The following TBC1D15 variants were observed in gnomAD, a reference collection of about 807,000 sequenced individuals.
The protein encoded by TBC1D15 is TBC1 domain family member 15, also known as GAP for RAB7.
Under a neutral mutation model 95.4 loss-of-function variants are expected in TBC1D15, and 39 were observed. The observed-to-expected ratio is 0.41, with a 90% confidence interval of 0.32 to 0.53. The LOEUF is 0.53. Among genes scored for constraint, TBC1D15 ranks in the 20% least tolerant of loss-of-function variants. The probability of loss-of-function intolerance (pLI) is 0.29; values close to 1 mark genes in which losing one functional copy is unlikely to be tolerated. For missense variants in TBC1D15, 733 were observed against 794.3 expected (o/e 0.92, Z 0.93); for synonymous variants, 258 against 261.3 (o/e 0.99, Z 0.12).
chr12:71,861,403 A>C, intron 1 of TBC1D15: 1 of 1,462,916 alleles, frequency 6.8e-7, no homozygotes, highest in Non-Finnish European at 9.0e-7. Flanking sequence ...TGTTTTTTTC[A>C]GGTTTTTGGT....
intron 5 of TBC1D15, among the ~76,000 whole-genome samples, chr12:71,888,894 A>T (rs1896744040): frequency 1.5e-5 from 2 of 131,506 alleles, no homozygotes; most frequent in Admixed American, 1.7e-4. Context: ...TTGAATGCCT[A>T]CTGTGTCTTA....
chr12:71,913,740 T>G (rs1294667840), intron 11 of TBC1D15, 86 bp from the exon 12 acceptor site: 3 of 833,844 alleles, frequency 3.6e-6, no homozygotes, highest in Admixed American at 2.8e-5. Context: ...GATACAATTT[T>G]AAGCGAAATG....
At chr12:71,915,379 C>T (rs1314989980) in intron 12 of TBC1D15, among the ~76,000 whole-genome samples, 6 of 147,932 alleles carry the variant, frequency 4.1e-5, no homozygotes, top group Admixed American at 6.8e-5. Context: ...GGTTGTTCAA[C>T]GGGTTTTTGT....
intron 10 of TBC1D15, among the ~76,000 whole-genome samples, chr12:71,904,273 C>T (rs746729760): frequency 6.6e-6 from 1 of 152,094 alleles, no homozygotes; most frequent in African/African-American, 2.4e-5. Context: ...ATAAGGAGAT[C>T]ACTGGAGATT....
chr12:71,879,318 A>G (rs571084687), intron 3 of TBC1D15, among the ~76,000 whole-genome samples: 3 of 152,128 alleles, frequency 2.0e-5, no homozygotes, highest in African/African-American at 7.2e-5. Flanking sequence ...TATTTTTTGT[A>G]GAGACGGAGT....
In TBC1D15 at chr12:71,897,833, ATTGTTTT is replaced by A; in HGVS notation, c.1089-13_1089-7del. 18 of 1,600,880 alleles carry A rather than the reference ATTGTTTT, an allele frequency of 1.1e-5. No homozygotes were observed. The highest frequency in any genetic ancestry group is 1.5e-5 in the Non-Finnish European group (18 of 1,170,722). On this transcript the variant is annotated splice_region_variant and splice_polypyrimidine_tract_variant and intron_variant, in intron 9 of 16. Coordinates refer to ENST00000485960, the MANE Select transcript of TBC1D15 (RefSeq NM_001146213.3). ...TTCAAATAGCTTTCTTTGATGTCAA[ATTGTTTT>A]CTATAGTGATGAATACTTCAGAATG...
At chr12:71,894,110 A>G (rs1197746722) in intron 6 of TBC1D15, among the ~76,000 whole-genome samples, 1 of 152,044 alleles carries the variant, frequency 6.6e-6, no homozygotes, top group East Asian at 1.9e-4. Context: ...TTCAGAAGTT[A>G]CCCTGGCACT....
intron 8 of TBC1D15, 158 bp from the exon 9 acceptor site, chr12:71,896,519 C>G: frequency 6.2e-6 from 4 of 641,234 alleles, no homozygotes; most frequent in Non-Finnish European, 1.1e-5. Flanking sequence ...TCTTTTGGAT[C>G]TAGAAGTAAA....
chr12:71,897,372 A>C (rs1898409346), intron 9 of TBC1D15: 1 of 157,580 alleles, frequency 6.3e-6, no homozygotes, highest in African/African-American at 2.4e-5. Flanking sequence ...GTTATCTGAC[A>C]GTCTTCTCTT....
chr12:71,918,320 C>A (rs1904185057), intron 13 of TBC1D15, 131 bp from the exon 14 acceptor site: 1 of 524,856 alleles, frequency 1.9e-6, no homozygotes, highest in East Asian at 3.1e-5. Context: ...GAAATGATTC[C>A]TTAACGTAGA....
At chr12:71,852,502 T>G (rs746966689) in intron 1 of TBC1D15, among the ~76,000 whole-genome samples, 3 of 152,240 alleles carry the variant, frequency 2.0e-5, no homozygotes, top group Non-Finnish European at 4.4e-5. Context: ...ATGGCCAGGA[T>G]GCAAATTTTC....
At chr12:71,880,637 C>T (rs1894943773) in intron 4 of TBC1D15, 30 bp downstream of exon 4, 1 of 1,584,578 alleles carries the variant, frequency 6.3e-7, no homozygotes, top group African/African-American at 1.4e-5. Context: ...AAATCTTAAA[C>T]TGATTTGCTA....
chr12:71,896,428 C>G (rs1898182150), intron 8 of TBC1D15: 2 of 465,048 alleles, frequency 4.3e-6, no homozygotes, highest in African/African-American at 4.0e-5. Flanking sequence ...ACCAGTCACA[C>G]TGTCTGTCTG....
chr12:71,849,355 T>A, intron 1 of TBC1D15: 1 of 1,361,696 alleles, frequency 7.3e-7, no homozygotes, highest in Non-Finnish European at 1.0e-6. Context: ...AGCTTCTAGC[T>A]GTTGTCCAAG....
intron 8 of TBC1D15, 21 bp downstream of exon 8, chr12:71,896,096 T>C: frequency 1.3e-6 from 2 of 1,587,286 alleles, no homozygotes; most frequent in Middle Eastern, 1.8e-4. Context: ...CACTCTAATA[T>C]GGCTTGTCTT....
At chr12:71,886,606 T>A (rs1896283252) in intron 5 of TBC1D15, among the ~76,000 whole-genome samples, 1 of 152,262 alleles carries the variant, frequency 6.6e-6, no homozygotes, top group South Asian at 2.1e-4. Flanking sequence ...CTCGACTGTG[T>A]ATTTTCTGGC....
At chr12:71,846,293 T>C (rs1461138079) in intron 1 of TBC1D15, among the ~76,000 whole-genome samples, 1 of 150,140 alleles carries the variant, frequency 6.7e-6, no homozygotes, top group Non-Finnish European at 1.5e-5. Context: ...TTAGCAAATA[T>C]TTAAGAATAA....
chr12:71,890,984 T>C (rs1273403606), intron 5 of TBC1D15, among the ~76,000 whole-genome samples: 1 of 152,178 alleles, frequency 6.6e-6, no homozygotes, highest in African/African-American at 2.4e-5. Context: ...ATCCAAGCAG[T>C]AAAATATTCC....
intron 6 of TBC1D15, 38 bp downstream of exon 6, chr12:71,893,362 C>A: frequency 6.8e-7 from 1 of 1,468,548 alleles, no homozygotes; most frequent in Non-Finnish European, 9.4e-7. Context: ...ATTCTGACTG[C>A]ATTATTTTAT....
Sources: allele counts gnomAD v4.1 joint callset (sites outside exome capture counted in the v4.1 genomes callset), GRCh38; gene constraint gnomAD v4.1.1; transcripts MANE v1.5; gene names NCBI Gene and HGNC (gene_info 2026-07-23, HGNC 2026-07-21).